Variants in TENM2 observed in about 807,000 individuals in gnomAD.
TENM2 encodes the protein teneurin transmembrane protein 2.
Under a neutral mutation model 245.2 loss-of-function variants are expected in TENM2, and 52 were observed. The ratio of observed to expected loss-of-function variants is 0.21; its 90% CI spans 0.17 to 0.27. The LOEUF (loss-of-function observed/expected upper bound fraction) is 0.27, where lower values mean the gene tolerates loss of function less well. Ranked by LOEUF, TENM2 falls within the 10% of genes least tolerant of loss-of-function variation. The probability of loss-of-function intolerance (pLI) is 1.00; values close to 1 mark genes in which losing one functional copy is unlikely to be tolerated. For synonymous variants in TENM2, 1,363 were observed against 1,438.9 expected, an observed-to-expected ratio of 0.95 and a Z score of 1.19; for missense variants, 3,046 against 3,666.8, an observed-to-expected ratio of 0.83 and a Z score of 4.37.
At chr5:167,317,502 T>C (rs1020734840) in intron 1 of TENM2, among the ~76,000 whole-genome samples, 2 of 151,808 alleles carry the variant, frequency 1.3e-5, no homozygotes, top group Non-Finnish European at 2.9e-5. Flanking sequence ...TATCAGGAAA[T>C]GGATCCCTGA....
At chr5:167,409,356 G>T (rs1762792333) in intron 2 of TENM2, among the ~76,000 whole-genome samples, 2 of 151,940 alleles carry the variant, frequency 1.3e-5, no homozygotes, top group East Asian at 1.9e-4. Context: ...AAGCAGGATG[G>T]ATAAACTTTA....
intron 2 of TENM2, among the ~76,000 whole-genome samples, chr5:167,452,628 G>A (rs1471294535): frequency 6.6e-6 from 1 of 151,966 alleles, no homozygotes; most frequent in Non-Finnish European, 1.5e-5. Context: ...CTGAGAACAA[G>A]AATGCATGGT....
At chr5:167,159,086 G>T in the TENM2 span, among the ~76,000 whole-genome samples, 1 of 151,622 alleles carries the variant, frequency 6.6e-6, no homozygotes, top group Non-Finnish European at 1.5e-5. Flanking sequence ...CCAAGTAGCT[G>T]GGATTATAGG....
the TENM2 span, among the ~76,000 whole-genome samples, chr5:167,258,604 C>G: frequency 6.6e-6 from 1 of 152,084 alleles, no homozygotes; most frequent in Admixed American, 6.6e-5. Context: ...TCTATTATAT[C>G]ATTTCTTCAA....
At chr5:167,249,712 T>C in the TENM2 span, among the ~76,000 whole-genome samples, 4 of 152,238 alleles carry the variant, frequency 2.6e-5, no homozygotes, top group Admixed American at 6.5e-5. Flanking sequence ...TGAAAGGATA[T>C]GATGGAGCAA....
At chr5:167,577,831 A>G (rs2127674360) in intron 2 of TENM2, among the ~76,000 whole-genome samples, 1 of 152,322 alleles carries the variant, frequency 6.6e-6, no homozygotes, top group East Asian at 1.9e-4. Flanking sequence ...GAATCTGACG[A>G]AGATGCAAAA....
At chr5:167,892,436 T>A (rs1774837827) in intron 3 of TENM2, among the ~76,000 whole-genome samples, 1 of 152,200 alleles carries the variant, frequency 6.6e-6, no homozygotes, top group Non-Finnish European at 1.5e-5. Flanking sequence ...GAGGAGTGGT[T>A]TTCCTCTCTT....
chr5:168,237,568 T>G (rs1659172469), intron 25 of TENM2, among the ~76,000 whole-genome samples: 1 of 152,082 alleles, frequency 6.6e-6, no homozygotes, highest in African/African-American at 2.4e-5. Flanking sequence ...GCAAAGCTAA[T>G]CAGTGACACT....
chr5:167,219,689 T>A, the TENM2 span, among the ~76,000 whole-genome samples: 1 of 152,380 alleles, frequency 6.6e-6, no homozygotes, highest in South Asian at 2.1e-4. Flanking sequence ...GTTTAAAGTA[T>A]GTGAACCATG....
chr5:167,500,800 A>G (rs1371398742), intron 2 of TENM2, among the ~76,000 whole-genome samples: 1 of 152,112 alleles, frequency 6.6e-6, no homozygotes, highest in Non-Finnish European at 1.5e-5. Context: ...AGGGCCAAGG[A>G]CTTTGGGTCT....
intron 2 of TENM2, among the ~76,000 whole-genome samples, chr5:167,855,910 T>G (rs879814894): frequency 0.11 from 4,250 of 37,836 alleles, no homozygotes; most frequent in Middle Eastern, 0.18. Context: ...AGGGAGGGAA[T>G]GAGGGAGGGA....
At chr5:167,737,820 C>A (rs995485355) in intron 2 of TENM2, among the ~76,000 whole-genome samples, 1 of 152,162 alleles carries the variant, frequency 6.6e-6, no homozygotes, top group African/African-American at 2.4e-5. Context: ...CACACTAGGA[C>A]ACAAGTAAAA....
At chr5:167,558,006 G>A (rs1235486130) in intron 2 of TENM2, among the ~76,000 whole-genome samples, 1 of 152,224 alleles carries the variant, frequency 6.6e-6, no homozygotes, top group Non-Finnish European at 1.5e-5. Flanking sequence ...TTTGGAGCAG[G>A]AGGGTTTATT....
At chr5:167,641,305 G>A (rs1779600915) in intron 2 of TENM2, among the ~76,000 whole-genome samples, 1 of 151,952 alleles carries the variant, frequency 6.6e-6, no homozygotes, top group Admixed American at 6.6e-5. Context: ...TAAACCACGG[G>A]GAGTAGTTAT....
the TENM2 span, among the ~76,000 whole-genome samples, chr5:167,109,477 ATTAT>A: frequency 1.3e-5 from 2 of 152,332 alleles, no homozygotes; most frequent in South Asian, 4.1e-4. Context: ...AAAATATAAC[ATTAT>A]TTATGAAGGT....
chr5:168,109,823 G>T (rs1168735485), intron 9 of TENM2, among the ~76,000 whole-genome samples: 2 of 152,114 alleles, frequency 1.3e-5, no homozygotes, highest in Non-Finnish European at 2.9e-5. Context: ...CCCCTAGCTT[G>T]CCAGGCAGGC....
chr5:167,773,652 T>C (rs1763546575), intron 2 of TENM2, among the ~76,000 whole-genome samples: 1 of 152,188 alleles, frequency 6.6e-6, no homozygotes, highest in African/African-American at 2.4e-5. Flanking sequence ...TCATTCTCTC[T>C]CTTATTGCAG....
intron 12 of TENM2, among the ~76,000 whole-genome samples, chr5:168,134,370 C>T (rs1485050862): frequency 2.6e-5 from 4 of 152,108 alleles, no homozygotes; most frequent in Non-Finnish European, 5.9e-5. Context: ...TTATCATCAT[C>T]ACCATCATTG....
At chr5:167,780,936 T>C (rs1764148956) in intron 2 of TENM2, among the ~76,000 whole-genome samples, 1 of 152,202 alleles carries the variant, frequency 6.6e-6, no homozygotes, top group African/African-American at 2.4e-5. Context: ...TGTTTCCACT[T>C]ATTTATTTGT....
Sources: gnomAD v4.1 joint callset for allele counts (sites outside exome capture counted in the v4.1 genomes callset) on GRCh38, gnomAD v4.1.1 for gene constraint, MANE v1.5 for transcripts, NCBI Gene and HGNC (gene_info 2026-07-23, HGNC 2026-07-21) for gene names.